Variants in TENM1 observed in about 807,000 individuals in gnomAD.
TENM1 encodes teneurin transmembrane protein 1.
Under a neutral mutation model 174.8 loss-of-function variants are expected in TENM1, and 35 were observed. The observed-to-expected ratio is 0.20, with a 90% CI of 0.15 to 0.27. TENM1 has a LOEUF of 0.27. Among genes scored for constraint, TENM1 ranks in the 10% least tolerant of loss-of-function variants. TENM1 has a pLI of 1.00. For missense variants in TENM1, 1,633 were observed against 2,130.1 expected (o/e 0.77, Z 4.59); for synonymous variants, 781 against 798.7 (o/e 0.98, Z 0.37).
At chrX:124,659,477 T>G (rs762095671) in intron 6 of TENM1, among the ~76,000 whole-genome samples, 1 of 112,145 alleles carries the variant, frequency 8.9e-6, no homozygotes, top group East Asian at 2.8e-4. Flanking sequence ...AGAAATTAAA[T>G]ATTTCCTAAG....
chrX:124,804,421 A>G (rs776836277), intron 3 of TENM1, among the ~76,000 whole-genome samples: 9 of 111,841 alleles, frequency 8.0e-5, no homozygotes, highest in Non-Finnish European at 1.5e-4. Flanking sequence ...CTGGCTTAAT[A>G]CCTTGAAAAA....
At chrX:124,506,336 A>G (rs917183264) in intron 18 of TENM1, among the ~76,000 whole-genome samples, 2 of 111,614 alleles carry the variant, frequency 1.8e-5, no homozygotes, top group East Asian at 2.8e-4. Context: ...TAAAGCATCA[A>G]TTAAGGAGTT....
chrX:124,657,217 A>G lies in TENM1; in HGVS notation c.1169-3434T>C, dbSNP rs184833974. On this transcript the variant is annotated intron_variant, in intron 6 of 31. Transcript: ENST00000422452. The stretch of plus-strand genomic sequence containing the variant: ...TAGAACACTTCCTTGCACAAATTTG[A>G]GATTAAATGCAGAGAGCCACAGATC... Among the ~76,000 whole-genome samples the G allele has an allele frequency of 1.3e-4, 15 of 112,161 alleles. No individual in the cohort carries two copies. The East Asian group carries it at 4.2e-3, about 31-fold the overall frequency.
intron 1 of TENM1, among the ~76,000 whole-genome samples, chrX:124,958,942 G>A (rs919815623): frequency 9.0e-6 from 1 of 110,947 alleles, no homozygotes; most frequent in African/African-American, 3.3e-5. Context: ...TACATAACTA[G>A]TAAACTTAAA....
Position 124,463,075 on chromosome X carries a change from G to C in TENM1, c.3950-9584C>G, listed in dbSNP as rs747579797. Among the ~76,000 whole-genome samples the C allele has an allele frequency of 1.3e-4, 15 of 111,779 alleles. No individual in the cohort carries two copies. The Admixed American group carries it at 1.4e-3, about 11-fold the overall frequency. ...GCTACAATGAATAGCTCATGACACC[G>C]CTCCCCCCACCACACACACAAATCC... On this transcript the variant is annotated intron_variant, in intron 22 of 31. Coordinates refer to ENST00000422452, the Ensembl canonical transcript of TENM1.
At chrX:125,011,642 A>T in the TENM1 span, among the ~76,000 whole-genome samples, 1 of 112,010 alleles carries the variant, frequency 8.9e-6, no homozygotes, top group African/African-American at 3.2e-5. Flanking sequence ...ACCAGATAAC[A>T]TCTCATGCCA....
At chrX:125,112,289 G>A in the TENM1 span, among the ~76,000 whole-genome samples, 1 of 109,145 alleles carries the variant, frequency 9.2e-6, no homozygotes, top group Non-Finnish European at 1.9e-5. Flanking sequence ...TATTGGGCTC[G>A]AGATGTAGGC....
At chrX:125,196,724 T>C in the TENM1 span, among the ~76,000 whole-genome samples, 1 of 111,706 alleles carries the variant, frequency 9.0e-6, no homozygotes, top group Non-Finnish European at 1.9e-5. Flanking sequence ...TTAGCAAGAT[T>C]GAAACACCTT....
rs149638347 is a variant in TENM1, at chrX:124,836,717, A to G, written c.535+57579T>C. Among the ~76,000 whole-genome samples the G allele has an allele frequency of 9.8e-4, 110 of 112,468 alleles. 1 individual carries two copies. The highest frequency in any genetic ancestry group is 3.4e-3 in the African/African-American group (105 of 31,017). ...TGTTAAAGCTGGAAGAGCCCTTGCAAATAACTGAATCTCTACATTCTTAGA... is the reference window on the plus strand; with the variant it reads ...TGTTAAAGCTGGAAGAGCCCTTGCAGATAACTGAATCTCTACATTCTTAGA... On this transcript the variant is annotated intron_variant, in intron 3 of 31. Coordinates refer to ENST00000422452, the Ensembl canonical transcript of TENM1.
Position 124,502,157 on chromosome X carries a change from A to G in TENM1, c.3445+1403T>C, listed in dbSNP as rs180850456. On this transcript the variant is annotated intron_variant, in intron 19 of 31. Transcript: ENST00000422452. The stretch of plus-strand genomic sequence containing the variant: ...AAAAATCACTGAAGTGTACATTTAT[A>G]ATGGGTAAATTTTATGATGTATAAA... Among the ~76,000 whole-genome samples the G allele has an allele frequency of 4.4e-5, 5 of 112,455 alleles. No homozygotes were observed. In the Admixed American group the frequency reaches 4.7e-4, roughly 11 times the overall value.
At chrX:125,050,403 CA>C in the TENM1 span, among the ~76,000 whole-genome samples, 4 of 108,957 alleles carry the variant, frequency 3.7e-5, no homozygotes, top group Non-Finnish European at 7.6e-5. Flanking sequence ...TGAGTGAGAA[CA>C]TGTGGTGTCT....
chrX:124,472,426 T>G (rs2061346212), intron 22 of TENM1, among the ~76,000 whole-genome samples: 1 of 105,208 alleles, frequency 9.5e-6, no homozygotes, highest in Non-Finnish European at 2.0e-5. Context: ...GAAGCTGTCT[T>G]TATGTTGCAT....
the TENM1 span, among the ~76,000 whole-genome samples, chrX:125,184,336 A>G: frequency 1.8e-5 from 2 of 110,135 alleles, no homozygotes; most frequent in Non-Finnish European, 3.8e-5. Flanking sequence ...AAATTAAAAA[A>G]ATTATTTTCA....
intron 1 of TENM1, among the ~76,000 whole-genome samples, chrX:124,904,923 A>G (rs1190171709): frequency 8.9e-6 from 1 of 111,853 alleles, no homozygotes; most frequent in Non-Finnish European, 1.9e-5. Context: ...AGAATTTATC[A>G]TCTCAGTAAG....
the TENM1 span, among the ~76,000 whole-genome samples, chrX:125,107,622 C>T: frequency 9.0e-6 from 1 of 111,581 alleles, no homozygotes; most frequent in African/African-American, 3.3e-5. Flanking sequence ...CACCCCCATG[C>T]TAAGGGACAA....
intron 18 of TENM1, among the ~76,000 whole-genome samples, chrX:124,506,625 G>A (rs16305): frequency 0.36 from 39,604 of 110,336 alleles, 7,036 homozygotes; most frequent in African/African-American, 0.7. Flanking sequence ...CTTTAATGAG[G>A]ATAGCTGTGT....
At chrX:125,165,366 T>C in the TENM1 span, among the ~76,000 whole-genome samples, 1 of 112,143 alleles carries the variant, frequency 8.9e-6, no homozygotes, top group African/African-American at 3.2e-5. Context: ...CAGACACATG[T>C]ATATGCAGAT....
chrX:124,592,935 G>A (rs1162608232), intron 11 of TENM1, among the ~76,000 whole-genome samples: 1 of 111,029 alleles, frequency 9.0e-6, no homozygotes, highest in Non-Finnish European at 1.9e-5. Flanking sequence ...GTGCTTGTAG[G>A]TAAGAGCTAG....
chrX:125,161,179 A>C, the TENM1 span, among the ~76,000 whole-genome samples: 1 of 110,746 alleles, frequency 9.0e-6, no homozygotes, highest in African/African-American at 3.3e-5. Context: ...GGACTGCTTC[A>C]AACACCAAAA....
Sources: allele counts gnomAD v4.1 joint callset (sites outside exome capture counted in the v4.1 genomes callset), GRCh38; gene constraint gnomAD v4.1.1; transcripts MANE v1.5; gene names NCBI Gene and HGNC (gene_info 2026-07-23, HGNC 2026-07-21).